CDH18: variants seen among roughly 807,000 people sequenced by gnomAD.
CDH18 encodes cadherin 18.
CDH18 carries 31 observed loss-of-function variants against 67.9 expected under a neutral mutation model. The observed-to-expected ratio is 0.46, with a 90% CI of 0.34 to 0.62. The LOEUF is 0.62. Ranked by LOEUF, CDH18 falls within the 20% of genes least tolerant of loss-of-function variation. CDH18 has a pLI of 0.01. For missense variants in CDH18, 890 were observed against 975.5 expected (o/e 0.91, Z 1.17); for synonymous variants, 362 against 347.2 (o/e 1.04, Z -0.48).
intron 10 of CDH18, among the ~76,000 whole-genome samples, chr5:19,514,647 T>C (rs909064789): frequency 6.6e-6 from 1 of 152,230 alleles, no homozygotes; most frequent in Non-Finnish European, 1.5e-5. Context: ...ATGTCTTCTT[T>C]TGAAAAGTGT....
At chr5:19,699,961 T>C (rs1160862231) in intron 5 of CDH18, among the ~76,000 whole-genome samples, 1 of 152,112 alleles carries the variant, frequency 6.6e-6, no homozygotes, top group Non-Finnish European at 1.5e-5. Flanking sequence ...GTAACAAAAG[T>C]GTACTTGTAC....
intron 2 of CDH18, among the ~76,000 whole-genome samples, chr5:20,209,813 C>T (rs1046118714): frequency 1.3e-5 from 2 of 151,516 alleles, no homozygotes; most frequent in Non-Finnish European, 2.9e-5. Context: ...GCCCAATTAC[C>T]GTGATTTGAT....
chr5:19,716,621 T>C (rs1765374175), intron 5 of CDH18, among the ~76,000 whole-genome samples: 1 of 152,054 alleles, frequency 6.6e-6, no homozygotes, highest in Non-Finnish European at 1.5e-5. Context: ...GTGAGATAGA[T>C]GTTATTAATG....
intron 7 of CDH18, among the ~76,000 whole-genome samples, chr5:19,589,325 T>G (rs1465923842): frequency 6.6e-6 from 1 of 152,172 alleles, no homozygotes; most frequent in Non-Finnish European, 1.5e-5. Flanking sequence ...CATTCTCTCC[T>G]ATTATTTGAA....
At chr5:19,823,009 G>A (rs570189785) in intron 3 of CDH18, among the ~76,000 whole-genome samples, 5 of 152,252 alleles carry the variant, frequency 3.3e-5, no homozygotes, top group African/African-American at 1.2e-4. Flanking sequence ...TCCTTGCTGA[G>A]AAAAAGAATT....
At chr5:20,304,360 T>C in intron 1 of CDH18, 2 of 1,501,534 alleles carry the variant, frequency 1.3e-6, no homozygotes, top group South Asian at 1.1e-5. Flanking sequence ...TGTAAAATAG[T>C]TTACACTTTT....
rs746799767 is a variant in CDH18, at chr5:19,571,809, C to T, written c.1023G>A (p.Lys341=). 8.1e-6 allele frequency: 13 copies of T among 1,612,770 alleles called. No homozygotes were observed. The South Asian group carries it at 1.1e-4, about 14-fold the overall frequency. ...CTCCTTCTATGTTGAGGGTATATGA[C>T]TTCTTTTTCTCATAGTTCAGTGGCT... ...LKKPLNYEKK[K]SYTLNIEGAN... The change falls in exon 8 of 13, where the codon AAG becomes AAA. Residue 341 remains lysine, a synonymous_variant. Coordinates refer to ENST00000382275, the MANE Select transcript of CDH18 (RefSeq NM_004934.5).
intron 6 of CDH18, among the ~76,000 whole-genome samples, chr5:19,610,829 A>C (rs1330964592): frequency 2.0e-5 from 3 of 152,102 alleles, no homozygotes; most frequent in Admixed American, 2.0e-4. Context: ...TAATCTGCAA[A>C]ATGGTTTAAA....
chr5:20,327,602 A>G (rs889791081), intron 1 of CDH18, among the ~76,000 whole-genome samples: 1 of 152,186 alleles, frequency 6.6e-6, no homozygotes, highest in Admixed American at 6.5e-5. Context: ...GCAGTGACCA[A>G]CACAAATAAC....
intron 2 of CDH18, among the ~76,000 whole-genome samples, chr5:20,054,751 C>T (rs1034055333): frequency 1.3e-5 from 2 of 152,118 alleles, no homozygotes; most frequent in African/African-American, 4.8e-5. Context: ...TTTTAGTTAC[C>T]TAGACCCTTT....
intron 7 of CDH18, among the ~76,000 whole-genome samples, chr5:19,585,177 T>C (rs899550653): frequency 2.0e-5 from 3 of 152,160 alleles, no homozygotes; most frequent in Non-Finnish European, 2.9e-5. Context: ...ATTAAATATG[T>C]GCACACACAT....
chr5:20,203,822 C>A (rs1032094749), intron 2 of CDH18, among the ~76,000 whole-genome samples: 3 of 151,740 alleles, frequency 2.0e-5, no homozygotes, highest in Admixed American at 6.6e-5. Context: ...GTGTTCTGAC[C>A]AATAATTTAA....
chr5:19,636,011 T>G (rs1422418626), intron 5 of CDH18, among the ~76,000 whole-genome samples: 1 of 152,130 alleles, frequency 6.6e-6, no homozygotes, highest in African/African-American at 2.4e-5. Flanking sequence ...CGATGAATTG[T>G]GAAATACTAC....
intron 1 of CDH18, among the ~76,000 whole-genome samples, chr5:20,325,410 G>A (rs950250194): frequency 2.0e-5 from 3 of 152,090 alleles, no homozygotes; most frequent in African/African-American, 7.2e-5. Flanking sequence ...TGTTCCATGG[G>A]CTATACACGT....
At chr5:20,548,976 T>A (rs2126614385) in intron 1 of CDH18, among the ~76,000 whole-genome samples, 1 of 152,260 alleles carries the variant, frequency 6.6e-6, no homozygotes, top group South Asian at 2.1e-4. Flanking sequence ...TCCATTCACA[T>A]TTGGAGAGTT....
At chr5:20,435,603 T>C (rs990653162) in intron 1 of CDH18, among the ~76,000 whole-genome samples, 1 of 151,958 alleles carries the variant, frequency 6.6e-6, no homozygotes, top group African/African-American at 2.4e-5. Context: ...ACCGCATGGA[T>C]GTTTCAATTT....
At chr5:20,544,948 A>C (rs1437397107) in intron 1 of CDH18, among the ~76,000 whole-genome samples, 1 of 152,174 alleles carries the variant, frequency 6.6e-6, no homozygotes, top group Non-Finnish European at 1.5e-5. Context: ...GTAAAAAGCA[A>C]GTCAATTACT....
intron 1 of CDH18, among the ~76,000 whole-genome samples, chr5:20,360,354 GCA>G (rs1398192228): frequency 6.6e-6 from 1 of 152,004 alleles, no homozygotes; most frequent in Non-Finnish European, 1.5e-5. Context: ...CTTCATGCTG[GCA>G]CAGTTTTTCT....
At chr5:20,150,563 G>T (rs1285614994) in intron 2 of CDH18, among the ~76,000 whole-genome samples, 1 of 152,014 alleles carries the variant, frequency 6.6e-6, no homozygotes. Context: ...GTTTAGACAC[G>T]TCTAGCATAG....
Sources: gnomAD v4.1 joint callset for allele counts (sites outside exome capture counted in the v4.1 genomes callset) on GRCh38, gnomAD v4.1.1 for gene constraint, MANE v1.5 for transcripts, NCBI Gene and HGNC (gene_info 2026-07-23, HGNC 2026-07-21) for gene names.